PCDH15: variants seen among roughly 807,000 people sequenced by gnomAD.
PCDH15 encodes the protein protocadherin-15.
In PCDH15, 129 loss-of-function variants were observed where a neutral mutation model predicts 178.5. The observed-to-expected ratio is 0.72, with a 90% CI of 0.63 to 0.84. The LOEUF (loss-of-function observed/expected upper bound fraction) is 0.84. Among genes scored for constraint, PCDH15 ranks in the 40% least tolerant of loss-of-function variants. The pLI, the probability that PCDH15 is intolerant of heterozygous loss-of-function variation, is 0.00. For missense variants in PCDH15, 2,230 were observed against 2,099.9 expected, an observed-to-expected ratio of 1.06 and a Z score of -1.21; for synonymous variants, 800 against 732.0, an observed-to-expected ratio of 1.09 and a Z score of -1.50.
At chr10:54,686,041 A>ATTTTTTTTTTTTTTTTTTTT (rs66539612) in intron 1 of PCDH15, among the ~76,000 whole-genome samples, 20 of 126,872 alleles carry the variant, frequency 1.6e-4, no homozygotes, top group South Asian at 2.6e-4. Flanking sequence ...AAGACAGCCA[A>ATTTTTTTTTTTTTTTTTTTT]TTTTTTTTTT....
intron 1 of PCDH15, among the ~76,000 whole-genome samples, chr10:54,710,091 T>A (rs2095413118): frequency 6.6e-6 from 1 of 151,856 alleles, no homozygotes; most frequent in African/African-American, 2.4e-5. Context: ...TTTAAATGTG[T>A]CCTGCATAAA....
intron 8 of PCDH15, among the ~76,000 whole-genome samples, chr10:54,290,962 C>T (rs1001837730): frequency 7.9e-5 from 12 of 152,194 alleles, no homozygotes; most frequent in African/African-American, 2.7e-4. Context: ...ACTTTAACGC[C>T]TCACTGTCAA....
At chr10:54,084,952 A>C (rs2094493830) in intron 16 of PCDH15, among the ~76,000 whole-genome samples, 1 of 152,108 alleles carries the variant, frequency 6.6e-6, no homozygotes, top group African/African-American at 2.4e-5. Flanking sequence ...AGTTGCTTCA[A>C]GTTTGACATG....
chr10:54,392,186 C>T lies in PCDH15; in HGVS notation c.158-13244G>A, dbSNP rs939497042. On this transcript the variant is annotated intron_variant, in intron 3 of 37. Transcript: ENST00000644397. ...ATTTAAAAAAAAGTACTAATTTGGC[C>T]GGGCATGGCGGCTTACACCTGTAAT... Among the ~76,000 whole-genome samples, 8 of 151,946 alleles carry T rather than the reference C, an allele frequency of 5.3e-5. No homozygotes were observed. The East Asian group carries it at 5.8e-4, about 11-fold the overall frequency.
intron 3 of PCDH15, among the ~76,000 whole-genome samples, chr10:54,474,544 G>GTTAA (rs2078142379): frequency 2.0e-5 from 3 of 151,920 alleles, no homozygotes; most frequent in Non-Finnish European, 4.4e-5. Context: ...TAAGGATAGG[G>GTTAA]TTAAACACAG....
intron 1 of PCDH15, among the ~76,000 whole-genome samples, chr10:55,179,365 T>C (rs2589424): frequency 0.99 from 151,418 of 152,188 alleles, 75,333 homozygotes; most frequent in East Asian, 1. Context: ...AGGACAGGTC[T>C]CAACCTTCAA....
intron 18 of PCDH15, among the ~76,000 whole-genome samples, chr10:54,038,044 C>T (rs950402155): frequency 2.0e-5 from 3 of 151,800 alleles, no homozygotes; most frequent in Non-Finnish European, 4.4e-5. Flanking sequence ...AAAATGTTCA[C>T]ATAGAAGGAA....
intron 10 of PCDH15, among the ~76,000 whole-genome samples, chr10:54,197,390 T>A (rs1378834358): frequency 6.6e-6 from 1 of 152,120 alleles, no homozygotes; most frequent in East Asian, 1.9e-4. Flanking sequence ...ACAATTGACT[T>A]CTGGAAAATC....
intron 3 of PCDH15, among the ~76,000 whole-genome samples, chr10:54,810,658 G>A (rs1330275036): frequency 2.6e-5 from 4 of 151,998 alleles, no homozygotes; most frequent in African/African-American, 9.7e-5. Flanking sequence ...AACCCCTAGA[G>A]TGTACAATGA....
At chr10:54,556,858 C>CT (rs1309466552) in intron 2 of PCDH15, among the ~76,000 whole-genome samples, 2 of 151,670 alleles carry the variant, frequency 1.3e-5, no homozygotes, top group African/African-American at 4.8e-5. Flanking sequence ...GGGTGTGTCT[C>CT]TGTGTGCCCT....
chr10:55,295,924 C>A (rs1475479970), intron 1 of PCDH15, among the ~76,000 whole-genome samples: 1 of 152,024 alleles, frequency 6.6e-6, no homozygotes, highest in Non-Finnish European at 1.5e-5. Flanking sequence ...TTTCCCCACA[C>A]TTCAGACACT....
intron 2 of PCDH15, among the ~76,000 whole-genome samples, chr10:54,942,157 C>A (rs1838078661): frequency 6.6e-6 from 1 of 152,062 alleles, no homozygotes; most frequent in African/African-American, 2.4e-5. Context: ...TAAACTTTTT[C>A]ATTCTAAATA....
chr10:54,119,581 A>G (rs1212793138), intron 15 of PCDH15, among the ~76,000 whole-genome samples: 3 of 152,170 alleles, frequency 2.0e-5, no homozygotes, highest in Non-Finnish European at 4.4e-5. Flanking sequence ...ATTTGAGGGA[A>G]AAATTCAAGA....
chr10:54,337,386 C>A (rs377595340), intron 6 of PCDH15, among the ~76,000 whole-genome samples: 1 of 152,064 alleles, frequency 6.6e-6, no homozygotes. Flanking sequence ...CAAATCTCAC[C>A]TTGAACTGTA....
Position 54,750,947 on chromosome 10 carries a change from C to T in PCDH15, c.-29+49978G>A, listed in dbSNP as rs148303202. Among the ~76,000 whole-genome samples the T allele has an allele frequency of 6.6e-3, 1,010 of 151,968 alleles. 9 individuals are homozygous for T. The highest frequency in any genetic ancestry group is 0.018 in the African/African-American group (732 of 41,500). ...TCTAGTTTGTAGTTGCCAAGAAGTA[C>T]CAGCTTTACATGCACTGGCAACAGT... is the stretch of plus-strand genomic sequence containing the variant. On this transcript the variant is annotated intron_variant, in intron 1 of 37. Transcript: ENST00000644397.
intron 2 of PCDH15, among the ~76,000 whole-genome samples, chr10:55,149,302 T>C (rs1358712871): frequency 6.6e-6 from 1 of 151,848 alleles, no homozygotes; most frequent in Non-Finnish European, 1.5e-5. Flanking sequence ...TATTTAATAA[T>C]TTTTACATAA....
intron 2 of PCDH15, among the ~76,000 whole-genome samples, chr10:55,475,861 T>C (rs780454674): frequency 6.6e-6 from 1 of 152,138 alleles, no homozygotes; most frequent in Non-Finnish European, 1.5e-5. Context: ...TCCTAACTTA[T>C]CTCTATCCAC....
chr10:54,399,337 C>T (rs1299729936), intron 3 of PCDH15, among the ~76,000 whole-genome samples: 2 of 151,750 alleles, frequency 1.3e-5, no homozygotes, highest in African/African-American at 2.4e-5. Context: ...GCTCAGGTAG[C>T]TTGGACACTG....
At chr10:55,043,482 G>A (rs1362811417) in intron 2 of PCDH15, among the ~76,000 whole-genome samples, 1 of 151,912 alleles carries the variant, frequency 6.6e-6, no homozygotes, top group African/African-American at 2.4e-5. Flanking sequence ...ACCCAGGCAG[G>A]AGGATTACTT....
Sources: gnomAD v4.1 joint callset for allele counts (sites outside exome capture counted in the v4.1 genomes callset) on GRCh38, gnomAD v4.1.1 for gene constraint, MANE v1.5 for transcripts, NCBI Gene and HGNC (gene_info 2026-07-23, HGNC 2026-07-21) for gene names.